CUL5: variants seen among roughly 807,000 people sequenced by gnomAD.
CUL5 encodes the protein cullin-5.
A neutral mutation model predicts 108.8 loss-of-function variants in CUL5; 26 were observed. The ratio of observed to expected loss-of-function variants is 0.24; its 90% confidence interval spans 0.18 to 0.33. The LOEUF is 0.33. Among genes scored for constraint, CUL5 ranks in the 10% least tolerant of loss-of-function variants. The pLI, the probability that CUL5 is intolerant of heterozygous loss-of-function variation, is 1.00. For missense variants in CUL5, 524 were observed against 909.2 expected (o/e 0.58, Z 5.45); for synonymous variants, 334 against 298.0 (o/e 1.12, Z -1.25).
At chr11:108,037,225 T>TTTAGAGCTATCATTTTCA (rs1180323229) in intron 2 of CUL5, among the ~76,000 whole-genome samples, 1 of 152,132 alleles carries the variant, frequency 6.6e-6, no homozygotes, top group East Asian at 1.9e-4. Context: ...ATTTTCCTGG[T>TTTAGAGCTATCATTTTCA]TTAGAGCTAT....
At chr11:108,048,051 G>A (rs1863109284) in intron 3 of CUL5, among the ~76,000 whole-genome samples, 1 of 151,846 alleles carries the variant, frequency 6.6e-6, no homozygotes, top group East Asian at 1.9e-4. Flanking sequence ...GCAGTTAATA[G>A]GAGTAGCAAT....
chr11:108,078,120 A>T, intron 10 of CUL5, 56 bp from the exon 11 acceptor site: 1 of 1,038,202 alleles, frequency 9.6e-7, no homozygotes, highest in Non-Finnish European at 1.4e-6. Context: ...ATGTATAAAA[A>T]TTTATCTGTA....
rs1360901344 is a variant in CUL5 at position 108,077,493 on chromosome 11, G to A, written c.1114-683G>A. The stretch of plus-strand genomic sequence containing the variant: ...AAAAATACAAAAATTAGCCAGGCAC[G>A]GTGGTGCGCACCTGTAATTCCAGCT... On this transcript the variant is annotated intron_variant, in intron 10 of 18. Transcript: ENST00000393094. Among the ~76,000 whole-genome samples the A allele has an allele frequency of 3.9e-5, 6 of 152,206 alleles. No individual in the cohort carries two copies. In the East Asian group the frequency reaches 1.2e-3, roughly 29 times the overall value.
chr11:108,102,732 C>T (rs548558159), intron 18 of CUL5, among the ~76,000 whole-genome samples: 87 of 152,274 alleles, frequency 5.7e-4, no homozygotes, highest in African/African-American at 2.0e-3. Context: ...TATTTTTAAA[C>T]GTTAAAAGCA....
At chr11:108,016,140 C>T (rs114432340) in intron 1 of CUL5, among the ~76,000 whole-genome samples, 1,935 of 152,222 alleles carry the variant, frequency 0.013, 51 homozygotes, top group African/African-American at 0.044. Flanking sequence ...GGTCTCCACT[C>T]CTGAGCTCCA....
At chr11:108,074,207 T>C (rs1485279186) in intron 10 of CUL5, 1 of 149,016 alleles carries the variant, frequency 6.7e-6, no homozygotes, top group Admixed American at 6.7e-5. Context: ...TTTTTTTTTT[T>C]TTTTGAGACT....
intron 4 of CUL5, among the ~76,000 whole-genome samples, chr11:108,052,121 A>G (rs1435818185): frequency 6.6e-6 from 1 of 152,126 alleles, no homozygotes. Context: ...ACATGCCAGC[A>G]TGCCTAGCAA....
intron 12 of CUL5, 119 bp from the exon 13 acceptor site, chr11:108,089,373 C>T: frequency 1.6e-6 from 1 of 621,100 alleles, no homozygotes; most frequent in Non-Finnish European, 2.6e-6. Context: ...CAGTAGGCCT[C>T]TATCTGTATA....
chr11:108,098,052 TGTTTC>T (rs775240160), intron 17 of CUL5, among the ~76,000 whole-genome samples: 4 of 152,066 alleles, frequency 2.6e-5, no homozygotes, highest in East Asian at 1.9e-4. Flanking sequence ...TGTGTTGTTT[TGTTTC>T]GTTTTTGTTT....
chr11:108,062,917 C>G (rs1863576640), intron 7 of CUL5, among the ~76,000 whole-genome samples: 1 of 152,172 alleles, frequency 6.6e-6, no homozygotes, highest in Admixed American at 6.5e-5. Context: ...GGGATCTCAG[C>G]TCACCGCAAC....
chr11:108,040,740 C>G (rs915512856), intron 2 of CUL5, among the ~76,000 whole-genome samples: 1 of 151,892 alleles, frequency 6.6e-6, no homozygotes, highest in Non-Finnish European at 1.5e-5. Flanking sequence ...TATCATGCCA[C>G]TGCACTCCAG....
intron 1 of CUL5, among the ~76,000 whole-genome samples, chr11:108,020,124 CA>C (rs761769586): frequency 2.0e-5 from 3 of 152,186 alleles, no homozygotes; most frequent in Non-Finnish European, 4.4e-5. Context: ...CATTGGGGAT[CA>C]AATTTCAACA....
In CUL5 at chr11:108,087,781, A is replaced by G. The variant is rs1016422441; in HGVS notation, c.1179-746A>G. Among the ~76,000 whole-genome samples the G allele has an allele frequency of 9.2e-5, 14 of 152,294 alleles. No individual in the cohort carries two copies. In the East Asian group the frequency reaches 1.5e-3, roughly 17 times the overall value. On this transcript the variant is annotated intron_variant, in intron 11 of 18. Transcript: ENST00000393094. Reference sequence around the variant, plus strand: ...GAAGTTTGAGACCAGCCTGGCCAACATGGCAAAACCCCATCTGTGCTAAAA... The same window carrying G: ...GAAGTTTGAGACCAGCCTGGCCAACGTGGCAAAACCCCATCTGTGCTAAAA...
rs539923645 is a variant in CUL5, at chr11:108,038,652, G to A, written c.134+4741G>A. ...ATTGCACCATTCCACTCCAGCCTGGGAAACAAGAGCAAAACTCCATCTCAG... is the reference window on the plus strand; with the variant it reads ...ATTGCACCATTCCACTCCAGCCTGGAAAACAAGAGCAAAACTCCATCTCAG... On this transcript the variant is annotated intron_variant, in intron 2 of 18. Transcript: ENST00000393094. Among the ~76,000 whole-genome samples the A allele has an allele frequency of 2.0e-3, 293 of 147,800 alleles. 1 individual carries two copies. Among genetic ancestry groups the A allele is most frequent in the African/African-American group, 6.9e-3 (278 of 40,274 alleles).
intron 2 of CUL5, among the ~76,000 whole-genome samples, chr11:108,044,936 A>G (rs1027088672): frequency 4.0e-5 from 6 of 151,698 alleles, no homozygotes; most frequent in Admixed American, 2.0e-4. Flanking sequence ...TAATTTTTGT[A>G]TTATTAGTAG....
At chr11:108,073,347 T>G in intron 9 of CUL5, 43 bp from the exon 10 acceptor site, 1 of 871,790 alleles carries the variant, frequency 1.1e-6, no homozygotes, top group South Asian at 1.7e-5. Context: ...TTTGTGTTAT[T>G]CTTTTTCTTT....
chr11:108,052,699 A>AT lies in CUL5; in HGVS notation c.452dup (p.Asn153LysfsTer6), dbSNP rs765542200. On this transcript the variant is annotated frameshift_variant, in exon 5 of 19. Transcript: ENST00000393094. LOFTEE classifies it high-confidence loss of function. ...ATGGAATGAGTCAATCTTTTCAAAC[A>AT]TAAAAAACAGACTCCAAGATAGTGC... The AT allele has an allele frequency of 6.2e-7, 1 of 1,612,980 alleles. No individual in the cohort carries two copies.
In CUL5 at chr11:108,104,364, A is replaced by G. The variant is rs771879927; in HGVS notation, c.2323A>G (p.Thr775Ala). The G allele has an allele frequency of 6.4e-7, 1 of 1,559,322 alleles. No homozygotes were observed. Among genetic ancestry groups the G allele is most frequent in the South Asian group, 1.2e-5 (1 of 80,744 alleles). The change falls in exon 19 of 19, where the codon ACT becomes GCT. Residue 775 changes from threonine to alanine, a missense_variant. Around this residue, in one of 8 missense-constraint regions of CUL5, gnomAD observed 22 missense variants for 70.5 expected, o/e 0.31. Coordinates refer to ENST00000393094, the MANE Select transcript of CUL5 (RefSeq NM_003478.6). ...CAGAAGAGATGAATCTGATATCAAC[A>G]CTTTCATATATATGGCATAATTTTG... is the stretch of plus-strand genomic sequence containing the variant. ...YIRRDESDIN[T>A]FIYMA is the part of the protein sequence containing the mutation.
intron 7 of CUL5, among the ~76,000 whole-genome samples, chr11:108,068,386 A>G (rs968540884): frequency 1.3e-5 from 2 of 151,968 alleles, no homozygotes; most frequent in Non-Finnish European, 2.9e-5. Context: ...TGACATGATC[A>G]AGGCTTACTG....
Sources: allele counts gnomAD v4.1 joint callset (sites outside exome capture counted in the v4.1 genomes callset), GRCh38; gene constraint gnomAD v4.1.1; regional missense constraint gnomAD v4.1.1; transcripts MANE v1.5; gene names NCBI Gene and HGNC (gene_info 2026-07-23, HGNC 2026-07-21).